Variants in USP15 observed in about 807,000 individuals in gnomAD.
The protein encoded by USP15 is ubiquitin carboxyl-terminal hydrolase 15.
USP15 carries 18 observed loss-of-function variants against 127.1 expected under a neutral mutation model. That is an observed-to-expected ratio of 0.14 (90% CI 0.10 to 0.21). The LOEUF (loss-of-function observed/expected upper bound fraction) is 0.21. USP15 is among the 10% of genes least tolerant of loss of function. The pLI is 1.00. For synonymous variants in USP15, 364 were observed against 393.7 expected (o/e 0.92, Z 0.89); for missense variants, 805 against 1,159.9 (o/e 0.69, Z 4.44).
intron 9 of USP15, 94 bp from the exon 10 acceptor site, chr12:62,383,746 T>C: frequency 7.5e-7 from 1 of 1,336,474 alleles, no homozygotes; most frequent in Non-Finnish European, 1.0e-6. Context: ...AATTCACAAA[T>C]GTGGAATCCA....
chr12:62,367,162 C>G (rs558721772), intron 8 of USP15, among the ~76,000 whole-genome samples: 2 of 152,124 alleles, frequency 1.3e-5, no homozygotes, highest in African/African-American at 4.8e-5. Context: ...TACATGTGGT[C>G]CTGGAATGTT....
intron 20 of USP15, among the ~76,000 whole-genome samples, chr12:62,399,246 A>G (rs930896823): frequency 6.6e-6 from 1 of 152,214 alleles, no homozygotes; most frequent in Non-Finnish European, 1.5e-5. Flanking sequence ...TACAGCATGC[A>G]CAGCAACAGC....
chr12:62,410,456 A>G lies in USP15; in HGVS notation c.*6081A>G, dbSNP rs2068011963. On this transcript the variant is annotated 3_prime_UTR_variant, in exon 22 of 22. Coordinates refer to ENST00000280377, the MANE Select transcript of USP15 (RefSeq NM_001252078.2). ...AAGAATTCCTGTAGGTCTCCCTTAAATAGTGACTTTGGTAAAGCTTTTTAA... is the reference window on the plus strand; with the variant it reads ...AAGAATTCCTGTAGGTCTCCCTTAAGTAGTGACTTTGGTAAAGCTTTTTAA... 1 of 152,170 alleles carries G rather than the reference A, an allele frequency of 6.6e-6. No individual in the cohort carries two copies. The highest frequency in any genetic ancestry group is 1.5e-5 in the Non-Finnish European group (1 of 68,012). 9.4% of individuals were successfully genotyped at this position (152,170 alleles called of 1,614,324 possible). A position where few individuals can be genotyped will look rare whatever the true frequency, so the allele number is the denominator to read the frequency against.
At chr12:62,301,862 C>A (rs866946918) in intron 2 of USP15, among the ~76,000 whole-genome samples, 1 of 152,208 alleles carries the variant, frequency 6.6e-6, no homozygotes, top group South Asian at 2.1e-4. Context: ...TAACTTAGGA[C>A]AAGAAAAATC....
intron 5 of USP15, among the ~76,000 whole-genome samples, chr12:62,325,117 A>G (rs2065089551): frequency 6.6e-6 from 1 of 151,978 alleles, no homozygotes; most frequent in Non-Finnish European, 1.5e-5. Flanking sequence ...TTCTTTGCAC[A>G]GACTAATCCA....
chr12:62,377,064 T>A (rs1053202273), intron 8 of USP15, among the ~76,000 whole-genome samples: 3 of 152,178 alleles, frequency 2.0e-5, no homozygotes, highest in African/African-American at 7.2e-5. Flanking sequence ...TTAATTTTTA[T>A]GGGTACATAG....
intron 9 of USP15, among the ~76,000 whole-genome samples, chr12:62,383,397 A>AAGC (rs1184817993): frequency 1.3e-5 from 2 of 152,004 alleles, no homozygotes; most frequent in Non-Finnish European, 2.9e-5. Context: ...TGTCTTAATG[A>AAGC]AGCATATCTA....
chr12:62,263,114 A>G (rs2063111654), intron 1 of USP15, among the ~76,000 whole-genome samples: 2 of 152,234 alleles, frequency 1.3e-5, no homozygotes. Flanking sequence ...TTACAGGTAC[A>G]GAACTGGTGG....
intron 19 of USP15, chr12:62,393,468 G>A: frequency 3.6e-6 from 1 of 278,092 alleles, no homozygotes; most frequent in South Asian, 1.0e-4. Flanking sequence ...ATTACCTATG[G>A]GTTAATTGGT....
chr12:62,393,254 AT>A (rs942137047), intron 19 of USP15, 52 bp downstream of exon 19: 1 of 1,573,380 alleles, frequency 6.4e-7, no homozygotes, highest in African/African-American at 1.4e-5. Context: ...TTTCAAACTT[AT>A]TTGATGCTTT....
intron 8 of USP15, among the ~76,000 whole-genome samples, chr12:62,379,067 C>T (rs71465151): frequency 0.063 from 9,541 of 151,838 alleles, 397 homozygotes; most frequent in Middle Eastern, 0.095. Context: ...AGTATATTAT[C>T]AAATAAGTGC....
rs2068064650 is a variant in USP15 at position 62,412,601 on chromosome 12, A to T, written c.*8226A>T. The T allele has an allele frequency of 6.4e-6, 1 of 156,350 alleles. No individual in the cohort carries two copies. The highest frequency in any genetic ancestry group is 2.4e-5 in the African/African-American group (1 of 41,522). 9.7% of individuals were successfully genotyped at this position (156,350 alleles called of 1,614,324 possible). A position where few individuals can be genotyped will look rare whatever the true frequency, so the allele number is the denominator to read the frequency against. On this transcript the variant is annotated 3_prime_UTR_variant, in exon 22 of 22. Coordinates refer to ENST00000280377, the MANE Select transcript of USP15 (RefSeq NM_001252078.2). The stretch of plus-strand genomic sequence containing the variant: ...TTCACAGCATCTTCACCAGGAGAAG[A>T]CTTTCCCCCCTTCTTTTCACAGATG...
intron 6 of USP15, chr12:62,335,951 C>G (rs2065449090): frequency 2.0e-6 from 2 of 985,238 alleles, no homozygotes; most frequent in East Asian, 2.3e-4. Flanking sequence ...TAGCTCGGTT[C>G]CTCTTTAGGG....
chr12:62,388,811 G>A (rs531302849), intron 11 of USP15, among the ~76,000 whole-genome samples: 6 of 152,216 alleles, frequency 3.9e-5, no homozygotes, highest in African/African-American at 1.2e-4. Flanking sequence ...AGAAGTAGTG[G>A]TTAGACAGTA....
chr12:62,317,793 C>T (rs2064873417), intron 4 of USP15, among the ~76,000 whole-genome samples: 1 of 152,148 alleles, frequency 6.6e-6, no homozygotes, highest in African/African-American at 2.4e-5. Flanking sequence ...GATAGCAGGC[C>T]ATAGGCCATA....
At chr12:62,319,637 CT>C (rs550231131) in intron 4 of USP15, among the ~76,000 whole-genome samples, 1 of 152,274 alleles carries the variant, frequency 6.6e-6, no homozygotes, top group South Asian at 2.1e-4. Context: ...CACCTCAAGG[CT>C]TTTGCGTTAC....
At chr12:62,272,755 A>G (rs539419053) in intron 1 of USP15, among the ~76,000 whole-genome samples, 10 of 152,128 alleles carry the variant, frequency 6.6e-5, no homozygotes, top group South Asian at 4.1e-4. Context: ...AAATTATTCT[A>G]TCCACACCAT....
At chr12:62,308,071 A>G (rs188108056) in intron 3 of USP15, among the ~76,000 whole-genome samples, 2 of 152,282 alleles carry the variant, frequency 1.3e-5, no homozygotes, top group African/African-American at 4.8e-5. Flanking sequence ...GAAAAAACAT[A>G]GTGAATATAG....
chr12:62,269,372 A>G (rs764684040), intron 1 of USP15, among the ~76,000 whole-genome samples: 1 of 151,972 alleles, frequency 6.6e-6, no homozygotes, highest in African/African-American at 2.4e-5. Flanking sequence ...GTGTGTGTAT[A>G]TATATATATC....
Sources: allele counts gnomAD v4.1 joint callset (sites outside exome capture counted in the v4.1 genomes callset), GRCh38; gene constraint gnomAD v4.1.1; transcripts MANE v1.5; gene names NCBI Gene and HGNC (gene_info 2026-07-23, HGNC 2026-07-21).